Variants in DNAJC10 observed in about 807,000 individuals in gnomAD.
The protein encoded by DNAJC10 is DnaJ heat shock protein family (Hsp40) member C10, also known as endoplasmic reticulum disulfide reductase DNAJC10.
In DNAJC10, 101 loss-of-function variants were observed where a neutral mutation model predicts 115.0. The ratio of observed to expected loss-of-function variants is 0.88; its 90% CI spans 0.75 to 1.04. The LOEUF is 1.04. Among genes scored for constraint, DNAJC10 ranks in the 50% least tolerant of loss-of-function variants. The pLI is 0.00. For synonymous variants in DNAJC10, 307 were observed against 301.5 expected, an observed-to-expected ratio of 1.02 and a Z score of -0.19; for missense variants, 981 against 928.8, an observed-to-expected ratio of 1.06 and a Z score of -0.73.
rs1390904836 is a variant in DNAJC10, at chr2:182,762,772, G to A, written c.2236G>A (p.Val746Ile). 1 of 1,612,438 alleles carries A rather than the reference G, an allele frequency of 6.2e-7. No individual in the cohort carries two copies. Among genetic ancestry groups the A allele is most frequent in the Admixed American group, 1.7e-5 (1 of 59,940 alleles). ...QKAGIRAYPT[V>I]KFYFYERAKR... ...AGCTGGGATCAGGGCCTATCCAACTGTTAAATTTTATTTCTACGAAAGAGC... is the reference window on the plus strand; with the variant it reads ...AGCTGGGATCAGGGCCTATCCAACTATTAAATTTTATTTCTACGAAAGAGC... Residue 746 changes from valine to isoleucine, a missense_variant, in exon 22 of 24, where the codon GTT becomes ATT. Physicochemically the swap from Val to Ile is conservative, Grantham distance 29 (BLOSUM62 3). Transcript: ENST00000264065.
intron 10 of DNAJC10, among the ~76,000 whole-genome samples, chr2:182,733,823 A>T (rs1215524357): frequency 2.7e-5 from 4 of 149,850 alleles, no homozygotes; most frequent in Non-Finnish European, 4.5e-5. Context: ...ATAGATAGAT[A>T]GATAGATTTT....
intron 16 of DNAJC10, among the ~76,000 whole-genome samples, chr2:182,754,371 CTT>C (rs1334589964): frequency 3.9e-5 from 6 of 152,134 alleles, no homozygotes; most frequent in Non-Finnish European, 8.8e-5. Context: ...ACAAGGATCT[CTT>C]TATAACTTTT....
In DNAJC10 at chr2:182,728,942, G is replaced by A. The variant is rs1291515511; in HGVS notation, c.581G>A (p.Arg194Gln). The change falls in exon 7 of 24, where the codon CGA becomes CAA. Residue 194 changes from arginine (R) to glutamine (Q), a missense_variant. Transcript: ENST00000264065. ...VNCGDDRMLCRMKGVNSYPSL... is the reference protein window; with the variant it reads ...VNCGDDRMLCQMKGVNSYPSL... ...TGTGGTGATGATAGAATGCTTTGCC[G>A]AATGAAAGGAGTCAACAGCTATCCC... is the stretch of plus-strand genomic sequence containing the variant. 11 of 1,613,862 alleles carry A rather than the reference G, an allele frequency of 6.8e-6. No homozygotes were observed. Among genetic ancestry groups the A allele is most frequent in the African/African-American group, 2.7e-5 (2 of 74,888 alleles).
intron 4 of DNAJC10, among the ~76,000 whole-genome samples, chr2:182,720,680 C>A (rs554791242): frequency 6.9e-6 from 1 of 144,422 alleles, no homozygotes; most frequent in South Asian, 2.2e-4. Flanking sequence ...AATTCCCTAA[C>A]AACACATTTC....
At chr2:182,735,653 G>A (rs1385660281) in intron 10 of DNAJC10, among the ~76,000 whole-genome samples, 3 of 152,034 alleles carry the variant, frequency 2.0e-5, no homozygotes, top group Non-Finnish European at 2.9e-5. Flanking sequence ...CCAGTTGAAT[G>A]TATGTTAGAA....
At chr2:182,747,512 T>G (rs1693899637) in intron 14 of DNAJC10, among the ~76,000 whole-genome samples, 1 of 150,808 alleles carries the variant, frequency 6.6e-6, no homozygotes, top group African/African-American at 2.4e-5. Flanking sequence ...GGGAGTTCAC[T>G]CATGATTTGG....
rs766620413 is a variant in DNAJC10, at chr2:182,759,268, TTGCCAGAATTTTGCTCCAGAATTTG to T, written c.2107_2131del (p.Cys703SerfsTer6). ...ATTTCTATGCTCCTTGGTGTGGACCTTGCCAGAATTTTGCTCCAGAATTTGAGCTCTTGGCTAGGGTAAGTCATAC... is the reference window on the plus strand; with the variant it reads ...ATTTCTATGCTCCTTGGTGTGGACCTAGCTCTTGGCTAGGGTAAGTCATAC... On this transcript the variant is annotated frameshift_variant, in exon 21 of 24. Coordinates refer to ENST00000264065, the MANE Select transcript of DNAJC10 (RefSeq NM_018981.4). LOFTEE classifies it high-confidence loss of function. 12 of 1,610,258 alleles carry T rather than the reference TTGCCAGAATTTTGCTCCAGAATTTG, an allele frequency of 7.5e-6. No homozygotes were observed. Among genetic ancestry groups the T allele is most frequent in the African/African-American group, 2.7e-5 (2 of 74,746 alleles).
chr2:182,730,895 G>T (rs1472969853), intron 8 of DNAJC10, 135 bp from the exon 9 acceptor site: 1 of 574,646 alleles, frequency 1.7e-6, no homozygotes, highest in South Asian at 2.7e-5. Flanking sequence ...GAGTATCTTT[G>T]GAAAGATAAC....
At chr2:182,758,750 T>G in intron 19 of DNAJC10, 87 bp from the exon 20 acceptor site, 1 of 973,688 alleles carries the variant, frequency 1.0e-6, no homozygotes, top group Non-Finnish European at 1.6e-6. Flanking sequence ...TATAACTTAT[T>G]TTTTAAATTG....
In DNAJC10 at chr2:182,728,507, T is replaced by C; in HGVS notation, c.419-69T>C. 2.6e-6 allele frequency: 3 copies of C among 1,161,704 alleles called. No individual in the cohort carries two copies. The South Asian group carries it at 4.3e-5, about 17-fold the overall frequency. 72.0% of individuals were successfully genotyped at this position (1,161,704 alleles called of 1,614,324 possible). ...TTAAAATTCTGATCTCCACAAAAAG[T>C]TTTTAACTAAAATATGCATGAACCT... On this transcript the variant is annotated intron_variant, in intron 5 of 23. Coordinates refer to ENST00000264065, the MANE Select transcript of DNAJC10 (RefSeq NM_018981.4).
intron 10 of DNAJC10, 51 bp from the exon 11 acceptor site, chr2:182,736,198 A>C: frequency 6.6e-7 from 1 of 1,520,970 alleles, no homozygotes; most frequent in South Asian, 1.4e-5. Context: ...AAATCCCTTT[A>C]ACTTTTTGCC....
intron 22 of DNAJC10, among the ~76,000 whole-genome samples, chr2:182,772,559 C>T (rs1166707622): frequency 6.6e-6 from 1 of 152,134 alleles, no homozygotes; most frequent in African/African-American, 2.4e-5. Flanking sequence ...GATCTCTTTA[C>T]CATTATGTAA....
At chr2:182,748,663 G>C (rs915209394) in intron 14 of DNAJC10, among the ~76,000 whole-genome samples, 1 of 151,454 alleles carries the variant, frequency 6.6e-6, no homozygotes, top group East Asian at 1.9e-4. Flanking sequence ...CAGTTTTGTT[G>C]ATCCTTTCAA....
intron 14 of DNAJC10, among the ~76,000 whole-genome samples, chr2:182,746,727 T>G (rs1559011631): frequency 1.3e-5 from 2 of 152,146 alleles, no homozygotes; most frequent in Admixed American, 6.5e-5. Flanking sequence ...AGAAGCTCTT[T>G]AGTTTAATTA....
chr2:182,754,114 G>T (rs957724797), intron 16 of DNAJC10, among the ~76,000 whole-genome samples: 3 of 152,132 alleles, frequency 2.0e-5, no homozygotes, highest in Admixed American at 2.0e-4. Flanking sequence ...AAGTATAATT[G>T]TTGTGAAGAA....
intron 14 of DNAJC10, among the ~76,000 whole-genome samples, chr2:182,745,695 T>G (rs1373078883): frequency 6.6e-6 from 1 of 151,662 alleles, no homozygotes; most frequent in Non-Finnish European, 1.5e-5. Context: ...AATTTTTATT[T>G]TTTTTTTTTA....
At chr2:182,748,037 G>C (rs1219548797) in intron 14 of DNAJC10, among the ~76,000 whole-genome samples, 4 of 138,846 alleles carry the variant, frequency 2.9e-5, no homozygotes, top group African/African-American at 8.1e-5. Flanking sequence ...TACATTTATT[G>C]ATTTGCGTAT....
chr2:182,732,836 A>G (rs1693485934), intron 10 of DNAJC10: 2 of 400,416 alleles, frequency 5.0e-6, no homozygotes, highest in Non-Finnish European at 4.4e-6. Context: ...TCCCAACTTT[A>G]TCTTTTGTTG....
At chr2:182,745,580 C>A (rs937776137) in intron 14 of DNAJC10, among the ~76,000 whole-genome samples, 2 of 151,990 alleles carry the variant, frequency 1.3e-5, no homozygotes, top group African/African-American at 2.4e-5. Context: ...TCTGCATGTA[C>A]CAGGTACAGT....
Sources: allele counts gnomAD v4.1 joint callset (sites outside exome capture counted in the v4.1 genomes callset), GRCh38; gene constraint gnomAD v4.1.1; transcripts MANE v1.5; gene names NCBI Gene and HGNC (gene_info 2026-07-23, HGNC 2026-07-21).